KIR2DL1: variants seen among roughly 807,000 people sequenced by gnomAD.
KIR2DL1 encodes killer cell immunoglobulin like receptor, two Ig domains and long cytoplasmic tail 1.
In KIR2DL1, 38 loss-of-function variants were observed where a neutral mutation model predicts 33.9. The observed-to-expected ratio is 1.12, with a 90% confidence interval of 0.86 to 1.47. The LOEUF (loss-of-function observed/expected upper bound fraction) is 1.47, where lower values mean the gene tolerates loss of function less well. Ranked by LOEUF, KIR2DL1 falls within the 40% of genes most tolerant of loss-of-function variation. The pLI is 0.00. For synonymous variants in KIR2DL1, 179 were observed against 165.9 expected (o/e 1.08, Z -0.61); for missense variants, 531 against 433.9 (o/e 1.22, Z -1.99).
intron 5 of KIR2DL1, among the ~76,000 whole-genome samples, chr19:54,782,103 A>G (rs1205187962): frequency 2.0e-5 from 3 of 151,992 alleles, no homozygotes; most frequent in African/African-American, 7.3e-5. Context: ...GCTCCTCGGG[A>G]CATATGGAGT....
rs562323605 is a variant in KIR2DL1 at position 54,770,031 on chromosome 19, G to A, written c.34+147G>A. On this transcript the variant is annotated intron_variant, in intron 1 of 7. Transcript: ENST00000336077. ...TATATGGGCCTAGAGATGGAGTGAT[G>A]GGCCTAGAAGTGGAGATCTGGGCCC... 8.7e-6 allele frequency: 9 copies of A among 1,036,344 alleles called. No homozygotes were observed. The South Asian group carries it at 9.2e-5, about 11-fold the overall frequency. 64.2% of individuals were successfully genotyped at this position (1,036,344 alleles called of 1,614,324 possible).
chr19:54,780,897 G>C (rs1200044260), intron 5 of KIR2DL1, among the ~76,000 whole-genome samples: 59 of 105,970 alleles, frequency 5.6e-4, no homozygotes, highest in African/African-American at 2.2e-3. Flanking sequence ...ATACAAGTCT[G>C]TGAACAGTGG....
Position 54,778,680 on chromosome 19 carries a change from T to C in KIR2DL1, c.715+18T>C, listed in dbSNP as rs1483749873. 6.6e-7 allele frequency: 1 copy of C among 1,507,032 alleles called. No individual in the cohort carries two copies. The highest frequency in any genetic ancestry group is 9.1e-7 in the Non-Finnish European group (1 of 1,099,274). 93.4% of individuals were successfully genotyped at this position (1,507,032 alleles called of 1,614,324 possible). A position where few individuals can be genotyped will look rare whatever the true frequency, so the allele number is the denominator to read the frequency against. ...CAAAACCGGTGAGTACAGAACCCTC[T>C]TATATCCGCTTTTGGAACCCTGGGG... On this transcript the variant is annotated intron_variant, in intron 5 of 7. Coordinates refer to ENST00000336077, the MANE Select transcript of KIR2DL1 (RefSeq NM_014218.3).
intron 2 of KIR2DL1, among the ~76,000 whole-genome samples, chr19:54,772,496 C>T (rs2147440991): frequency 6.9e-6 from 1 of 145,962 alleles, no homozygotes; most frequent in East Asian, 2.0e-4. Flanking sequence ...TTTTCTACAG[C>T]AGCAACAGGA....
rs1600706950 is a variant in KIR2DL1, at chr19:54,771,971, G to A, written c.70+1087G>A. Among the ~76,000 whole-genome samples, 7 of 148,178 alleles carry A rather than the reference G, an allele frequency of 4.7e-5. No homozygotes were observed. The East Asian group carries it at 1.4e-3, about 29-fold the overall frequency. On this transcript the variant is annotated intron_variant, in intron 2 of 7. Coordinates refer to ENST00000336077, the MANE Select transcript of KIR2DL1 (RefSeq NM_014218.3). ...GCTCCTGGTGGGCGTGTCCTTGCGG[G>A]TCCCATCATGCAAGTCCTGACTGTA...
In KIR2DL1 at chr19:54,783,023, A is replaced by C; in HGVS notation, c.817A>C (p.Asn273His). Residue 273 changes from asparagine (N) to histidine (H), a missense_variant and splice_region_variant, in exon 6 of 8, where the codon AAT becomes CAT. By Grantham distance (68) the Asn-to-His change is moderately conservative. Coordinates refer to ENST00000336077, the MANE Select transcript of KIR2DL1 (RefSeq NM_014218.3). ...LLHRWCSNKKNAAVMDQESAG... is the reference protein window; with the variant it reads ...LLHRWCSNKKHAAVMDQESAG... ...TCATCGCTGGTGCTCCAACAAAAAA[A>C]GTAAGTCTCACGAAGCAGAGGCCAG... The C allele has an allele frequency of 1.9e-6, 3 of 1,613,288 alleles. No homozygotes were observed. The highest frequency in any genetic ancestry group is 2.5e-6 in the Non-Finnish European group (3 of 1,179,614).
At position 54,772,407 on chromosome 19, in the gene KIR2DL1, A is replaced by G. The variant is rs2075838448; in HGVS notation, c.71-926A>G. Reference sequence around the variant, plus strand: ...CCCTGCAGGTGCCTTGATTTTACCCACGACAAACAGGGTCCGATTTCTGTC... The same window carrying G: ...CCCTGCAGGTGCCTTGATTTTACCCGCGACAAACAGGGTCCGATTTCTGTC... On this transcript the variant is annotated intron_variant, in intron 2 of 7. Coordinates refer to ENST00000336077, the MANE Select transcript of KIR2DL1 (RefSeq NM_014218.3). Among the ~76,000 whole-genome samples the G allele has an allele frequency of 1.5e-5, 2 of 137,530 alleles. 1 individual carries two copies. The allele number at this position is 137,530 out of a possible 152,430, so 90.2% of individuals were successfully genotyped here.
intron 5 of KIR2DL1, among the ~76,000 whole-genome samples, chr19:54,781,748 C>T (rs1306134822): frequency 3.3e-5 from 5 of 152,082 alleles, no homozygotes; most frequent in African/African-American, 1.2e-4. Flanking sequence ...TATTTCCTGG[C>T]CGTTTGACAT....
chr19:54,780,735 G>T (rs368711248), intron 5 of KIR2DL1, among the ~76,000 whole-genome samples: 25 of 134,994 alleles, frequency 1.9e-4, no homozygotes, highest in African/African-American at 4.8e-4. Context: ...TGACTGGAAA[G>T]GCTTACTGGG....
At chr19:54,783,413 G>C in intron 6 of KIR2DL1, 73 bp from the exon 7 acceptor site, 1 of 1,546,030 alleles carries the variant, frequency 6.5e-7, no homozygotes, top group East Asian at 2.2e-5. Flanking sequence ...CCCCCTGTAT[G>C]TTGGTATCTG....
intron 6 of KIR2DL1, 88 bp downstream of exon 6, chr19:54,783,111 G>C: frequency 6.8e-7 from 1 of 1,466,186 alleles, no homozygotes; most frequent in South Asian, 1.1e-5. Flanking sequence ...CTCACAAACA[G>C]GATGGTCCCT....
intron 4 of KIR2DL1, among the ~76,000 whole-genome samples, chr19:54,776,294 A>C (rs1181005563): frequency 1.4e-5 from 2 of 146,580 alleles, no homozygotes; most frequent in African/African-American, 5.0e-5. Flanking sequence ...CCTGTCCTCC[A>C]GTAGCCACCA....
rs2076289014 is a variant in KIR2DL1, at chr19:54,776,004, GCCTC to G, written c.664+547_664+550del. ...CCTCCTGGGTTCAAGCGATTCTCCT[GCCTC>G]AGCCACCTGAGTAGCTAGTGCTACA... On this transcript the variant is annotated intron_variant, in intron 4 of 7. Transcript: ENST00000336077. Among the ~76,000 whole-genome samples the G allele has an allele frequency of 1.4e-5, 2 of 146,310 alleles. 1 individual carries two copies. The highest frequency in any genetic ancestry group is 1.4e-4 in the Admixed American group (2 of 14,472).
At chr19:54,783,066 G>T (rs1464217589) in intron 6 of KIR2DL1, 43 bp downstream of exon 6, 24 of 1,591,586 alleles carry the variant, frequency 1.5e-5, no homozygotes, top group Non-Finnish European at 2.6e-6. Flanking sequence ...AGGGCCATGT[G>T]GGGAAGCAGG....
chr19:54,773,542 C>A lies in KIR2DL1; in HGVS notation c.280C>A (p.Leu94Met), dbSNP rs771252520. ...NFSISRMTQD[L>M]AGTYRCYGSV... is the part of the protein sequence containing the mutation. ...CTCCATCAGTCGCATGACGCAAGACCTGGCAGGGACCTACAGATGCTACGG... is the reference window on the plus strand; with the variant it reads ...CTCCATCAGTCGCATGACGCAAGACATGGCAGGGACCTACAGATGCTACGG... Residue 94 changes from leucine (L) to methionine (M), a missense_variant, in exon 3 of 8, where the codon CTG (leucine) becomes ATG (methionine). By Grantham distance (15) the Leu-to-Met change is conservative (BLOSUM62 2). Coordinates refer to ENST00000336077, the MANE Select transcript of KIR2DL1 (RefSeq NM_014218.3). The A allele has an allele frequency of 4.0e-5, 63 of 1,583,220 alleles. 6 individuals carry two copies. The highest frequency in any genetic ancestry group is 5.2e-5 in the Non-Finnish European group (60 of 1,155,426).
intron 5 of KIR2DL1, among the ~76,000 whole-genome samples, chr19:54,779,251 G>T (rs1226061248): frequency 3.4e-4 from 50 of 147,972 alleles, no homozygotes; most frequent in African/African-American, 1.1e-3. Context: ...AAACAAAACG[G>T]TTTTTTAATT....
At position 54,773,579 on chromosome 19, in the gene KIR2DL1, A is replaced by G. The variant is rs747760439; in HGVS notation, c.317A>G (p.His106Arg). 1.3e-6 allele frequency: 2 copies of G among 1,579,860 alleles called. 1 individual carries two copies. The highest frequency in any genetic ancestry group is 4.5e-5 in the East Asian group (2 of 44,548). The change falls in exon 3 of 8, where the codon CAC (histidine) becomes CGC (arginine). Residue 106 changes from histidine (H) to arginine (R), a missense_variant. Coordinates refer to ENST00000336077, the MANE Select transcript of KIR2DL1 (RefSeq NM_014218.3). ...TACAGATGCTACGGTTCTGTTACTCACTCCCCCTATCAGGTGTCAGCTCCC... is the reference window on the plus strand; with the variant it reads ...TACAGATGCTACGGTTCTGTTACTCGCTCCCCCTATCAGGTGTCAGCTCCC... Reference protein sequence around the residue: ...GTYRCYGSVTHSPYQVSAPSD... With the variant: ...GTYRCYGSVTRSPYQVSAPSD...
At chr19:54,776,256 C>A (rs1323259328) in intron 4 of KIR2DL1, among the ~76,000 whole-genome samples, 2 of 144,290 alleles carry the variant, frequency 1.4e-5, no homozygotes, top group East Asian at 3.9e-4. Context: ...TATATATATA[C>A]ATTTTTTTTA....
chr19:54,779,146 C>A (rs369297619), intron 5 of KIR2DL1, among the ~76,000 whole-genome samples: 4 of 148,438 alleles, frequency 2.7e-5, no homozygotes, highest in Non-Finnish European at 1.5e-5. Context: ...CTTCGACTCA[C>A]TGACTCATTC....
Sources: gnomAD v4.1 joint callset for allele counts (sites outside exome capture counted in the v4.1 genomes callset) on GRCh38, gnomAD v4.1.1 for gene constraint, MANE v1.5 for transcripts, NCBI Gene and HGNC (gene_info 2026-07-23, HGNC 2026-07-21) for gene names.